Variants in GRIK4 observed in about 807,000 individuals in gnomAD.
GRIK4 encodes the protein glutamate receptor ionotropic, kainate 4.
GRIK4 carries 40 observed loss-of-function variants against 104.9 expected under a neutral mutation model. That is an observed-to-expected ratio of 0.38 (90% CI 0.30 to 0.50). The LOEUF (loss-of-function observed/expected upper bound fraction) is 0.50. Among genes scored for constraint, GRIK4 ranks in the 20% least tolerant of loss-of-function variants. GRIK4 has a pLI of 0.93. For synonymous variants in GRIK4, 485 were observed against 524.9 expected (o/e 0.92, Z 1.04); for missense variants, 1,047 against 1,308.1 (o/e 0.80, Z 3.08).
intron 1 of GRIK4, among the ~76,000 whole-genome samples, chr11:120,634,437 T>G (rs534268341): frequency 2.0e-5 from 3 of 151,996 alleles, no homozygotes; most frequent in African/African-American, 7.2e-5. Context: ...ATTTCCCAGG[T>G]TGAAAGTTCT....
At chr11:120,721,926 T>C (rs1036310385) in intron 3 of GRIK4, among the ~76,000 whole-genome samples, 1 of 152,248 alleles carries the variant, frequency 6.6e-6, no homozygotes, top group Non-Finnish European at 1.5e-5. Flanking sequence ...TATTGGACAC[T>C]ATATGTGAGG....
chr11:120,795,943 A>G (rs1158437245), intron 3 of GRIK4, among the ~76,000 whole-genome samples: 1 of 151,996 alleles, frequency 6.6e-6, no homozygotes, highest in African/African-American at 2.4e-5. Flanking sequence ...TACCTAATAC[A>G]GTATAAGTGT....
At chr11:120,556,229 T>C (rs149994899) in intron 1 of GRIK4, among the ~76,000 whole-genome samples, 2 of 152,168 alleles carry the variant, frequency 1.3e-5, no homozygotes, top group African/African-American at 4.8e-5. Context: ...CATGCATGCA[T>C]TCACCCATGA....
intron 3 of GRIK4, among the ~76,000 whole-genome samples, chr11:120,702,244 G>A (rs189201914): frequency 5.2e-4 from 79 of 151,212 alleles, no homozygotes; most frequent in African/African-American, 1.9e-3. Context: ...GTGAGCCACT[G>A]CGCCTGGCGA....
intron 3 of GRIK4, among the ~76,000 whole-genome samples, chr11:120,747,231 T>TGAGTGA (rs1951457705): frequency 6.6e-6 from 1 of 152,080 alleles, no homozygotes; most frequent in Non-Finnish European, 1.5e-5. Flanking sequence ...AAACAATTAG[T>TGAGTGA]GAGTGAGCAG....
intron 1 of GRIK4, among the ~76,000 whole-genome samples, chr11:120,605,774 C>T (rs567077734): frequency 3.5e-4 from 54 of 152,318 alleles, no homozygotes; most frequent in Non-Finnish European, 4.6e-4. Context: ...ACAAGCTTGC[C>T]GTGGGCCTGG....
At chr11:120,515,014 C>G (rs777836862) in intron 1 of GRIK4, 7 of 456,610 alleles carry the variant, frequency 1.5e-5, no homozygotes. Context: ...GGGACCCTGT[C>G]TCAGCAGCCG....
At chr11:120,552,877 G>A (rs1379607646) in intron 1 of GRIK4, among the ~76,000 whole-genome samples, 2 of 152,096 alleles carry the variant, frequency 1.3e-5, no homozygotes, top group African/African-American at 2.4e-5. Flanking sequence ...GCAGGTGCCT[G>A]TAATCCCAGC....
Position 120,967,722 on chromosome 11 carries a change from A to G in GRIK4, c.2395+399A>G, listed in dbSNP as rs1219383981. 6.6e-6 allele frequency among the ~76,000 whole-genome samples: 1 copy of G among 151,866 alleles called. No individual in the cohort carries two copies. The highest frequency in any genetic ancestry group is 1.5e-5 in the Non-Finnish European group (1 of 67,978). On this transcript the variant is annotated intron_variant, in intron 19 of 20. Transcript: ENST00000527524. This position sits in a 1 kb window ranked among gnomAD's most constrained non-coding sequence, Gnocchi z 4.2. ...AGAGTGATCCTTTTTAAAAATGCAA[A>G]CTCGATGGCAGCATTCCCCCCACAA...
intron 3 of GRIK4, among the ~76,000 whole-genome samples, chr11:120,784,806 C>G (rs932800174): frequency 2.0e-5 from 3 of 152,100 alleles, no homozygotes; most frequent in African/African-American, 7.2e-5. Flanking sequence ...CCTGCCCCAC[C>G]ACCATCTCCC....
rs138263012 is a variant in GRIK4 at position 120,910,030 on chromosome 11, G to A, written c.1476+4537G>A. Among the ~76,000 whole-genome samples the A allele has an allele frequency of 2.5e-3, 380 of 152,316 alleles. 2 individuals carry two copies. The highest frequency in any genetic ancestry group is 8.4e-3 in the African/African-American group (349 of 41,560). On this transcript the variant is annotated intron_variant, in intron 13 of 20. Transcript: ENST00000527524. ...TCATCATCGAGGAAGGTTAGTTACT[G>A]GAAGAGCAGGTTGTTATAAAGTGAG... is the stretch of plus-strand genomic sequence containing the variant.
At chr11:120,951,668 T>C (rs3781817) in intron 14 of GRIK4, among the ~76,000 whole-genome samples, 76,609 of 151,962 alleles carry the variant, frequency 0.5, 19,619 homozygotes, top group East Asian at 0.64. Context: ...TCCAGTGGTT[T>C]TATAGTAAAT....
intron 6 of GRIK4, among the ~76,000 whole-genome samples, chr11:120,826,006 C>T (rs1953248561): frequency 6.6e-6 from 1 of 152,280 alleles, no homozygotes; most frequent in South Asian, 2.1e-4. Flanking sequence ...ATTAACCATG[C>T]AGCTCTGTGC....
intron 1 of GRIK4, among the ~76,000 whole-genome samples, chr11:120,581,869 T>G (rs1373848696): frequency 6.6e-6 from 1 of 151,834 alleles, no homozygotes; most frequent in Non-Finnish European, 1.5e-5. Flanking sequence ...TGCAGTGGCG[T>G]GATCTCGGCT....
intron 3 of GRIK4, among the ~76,000 whole-genome samples, chr11:120,713,903 C>G (rs3133856): frequency 6.6e-6 from 1 of 151,948 alleles, no homozygotes; most frequent in Non-Finnish European, 1.5e-5. Context: ...TTGCTGCGGA[C>G]TCAAAGTCCC....
Position 120,905,173 on chromosome 11 carries a change from G to A in GRIK4, c.1273-117G>A, listed in dbSNP as rs1942838172. 2.6e-6 allele frequency: 2 copies of A among 763,032 alleles called. No homozygotes were observed. The highest frequency in any genetic ancestry group is 4.7e-6 in the Non-Finnish European group (2 of 428,292). The allele number at this position is 763,032 out of a possible 1,614,324, so 47.3% of individuals were successfully genotyped here. ...CCAAAGTAGCCCATTACCCACGTCAGTTTCCTCCTTCTGCCCCATGTCCTC... is the reference window on the plus strand; with the variant it reads ...CCAAAGTAGCCCATTACCCACGTCAATTTCCTCCTTCTGCCCCATGTCCTC... On this transcript the variant is annotated intron_variant, in intron 12 of 20. Coordinates refer to ENST00000527524, the MANE Select transcript of GRIK4 (RefSeq NM_014619.5). The surrounding 1 kb of genome is among the most constrained non-coding windows in gnomAD (Gnocchi z 5.1).
In GRIK4 at chr11:120,852,166, A is replaced by C. The variant is rs1033104762; in HGVS notation, c.745-9793A>C. 2.0e-5 allele frequency among the ~76,000 whole-genome samples: 3 copies of C among 152,254 alleles called. No individual in the cohort carries two copies. The East Asian group carries it at 5.8e-4, about 29-fold the overall frequency. ...TACACAGTTAACCACACAGTTAATA[A>C]CTACTTATTTAGCACCTAGAGACCC... On this transcript the variant is annotated intron_variant, in intron 8 of 20. Transcript: ENST00000527524.
intron 15 of GRIK4, among the ~76,000 whole-genome samples, chr11:120,955,019 T>C (rs1371492046): frequency 6.6e-6 from 1 of 152,116 alleles, no homozygotes; most frequent in Non-Finnish European, 1.5e-5. Context: ...TCTTATATAT[T>C]GTACTTCGGG....
chr11:120,656,648 G>A (rs1355887415), intron 2 of GRIK4, among the ~76,000 whole-genome samples: 1 of 152,138 alleles, frequency 6.6e-6, no homozygotes, highest in African/African-American at 2.4e-5. Flanking sequence ...ATCACCTGAG[G>A]TCAGGAGTTC....
Sources: allele counts gnomAD v4.1 joint callset (sites outside exome capture counted in the v4.1 genomes callset), GRCh38; gene constraint gnomAD v4.1.1; non-coding constraint Gnocchi (gnomAD v3.1); transcripts MANE v1.5; gene names NCBI Gene and HGNC (gene_info 2026-07-23, HGNC 2026-07-21).